Variants in B3GLCT observed in about 807,000 individuals in gnomAD.
B3GLCT encodes beta-1,3-glucosyltransferase.
Under a neutral mutation model 63.4 loss-of-function variants are expected in B3GLCT, and 65 were observed. That is an observed-to-expected ratio of 1.03 (90% CI 0.84 to 1.26). The LOEUF is 1.26. Among genes scored for constraint, B3GLCT ranks in the 50% most tolerant of loss-of-function variants. The pLI, the probability that B3GLCT is intolerant of heterozygous loss-of-function variation, is 0.00. For missense variants in B3GLCT, 577 were observed against 604.8 expected, an observed-to-expected ratio of 0.95 and a Z score of 0.48; for synonymous variants, 233 against 219.2, an observed-to-expected ratio of 1.06 and a Z score of -0.55.
chr13:31,285,031 T>C (rs1294483993), intron 11 of B3GLCT, among the ~76,000 whole-genome samples: 2 of 152,158 alleles, frequency 1.3e-5, no homozygotes, highest in Non-Finnish European at 2.9e-5. Context: ...CCTTCATAAT[T>C]CTTTGCGACC....
At chr13:31,238,878 T>C (rs1870788979) in intron 4 of B3GLCT, among the ~76,000 whole-genome samples, 1 of 152,226 alleles carries the variant, frequency 6.6e-6, no homozygotes, top group African/African-American at 2.4e-5. Flanking sequence ...CATGGGGGCC[T>C]TGAGAATGAC....
intron 3 of B3GLCT, among the ~76,000 whole-genome samples, chr13:31,226,259 G>A (rs1223962061): frequency 6.6e-6 from 1 of 152,212 alleles, no homozygotes; most frequent in Non-Finnish European, 1.5e-5. Flanking sequence ...CTCCAGGGCT[G>A]CGACTGGGCT....
At chr13:31,323,616 G>C in intron 13 of B3GLCT, 135 bp from the exon 14 acceptor site, 2 of 985,792 alleles carry the variant, frequency 2.0e-6, no homozygotes, top group Non-Finnish European at 3.2e-6. Flanking sequence ...GTTTTACCTA[G>C]AGCTCAGTAA....
At chr13:31,318,624 A>T (rs1469268546) in intron 13 of B3GLCT, among the ~76,000 whole-genome samples, 1 of 152,078 alleles carries the variant, frequency 6.6e-6, no homozygotes, top group Non-Finnish European at 1.5e-5. Flanking sequence ...CAGGAGGGGG[A>T]GTCCAGGGAG....
intron 1 of B3GLCT, among the ~76,000 whole-genome samples, chr13:31,212,839 CTG>C (rs1049060850): frequency 6.6e-6 from 1 of 152,220 alleles, no homozygotes; most frequent in African/African-American, 2.4e-5. Flanking sequence ...TGCAACCTCT[CTG>C]TATGATATTC....
At chr13:31,209,618 G>A (rs1186633204) in intron 1 of B3GLCT, among the ~76,000 whole-genome samples, 1 of 152,148 alleles carries the variant, frequency 6.6e-6, no homozygotes, top group Non-Finnish European at 1.5e-5. Context: ...ACAGGTACCG[G>A]GTTTTATGCT....
At chr13:31,218,230 C>T (rs1419888716) in intron 2 of B3GLCT, among the ~76,000 whole-genome samples, 1 of 147,852 alleles carries the variant, frequency 6.8e-6, no homozygotes, top group Non-Finnish European at 1.5e-5. Flanking sequence ...ACTCTTATCA[C>T]CCAGGCTAGC....
At chr13:31,294,447 C>T (rs903568618) in intron 12 of B3GLCT, among the ~76,000 whole-genome samples, 4 of 152,206 alleles carry the variant, frequency 2.6e-5, no homozygotes, top group Admixed American at 1.3e-4. Flanking sequence ...TCAGGTACAG[C>T]AATCAAACGT....
intron 10 of B3GLCT, among the ~76,000 whole-genome samples, chr13:31,281,805 T>A (rs995569728): frequency 6.6e-5 from 10 of 152,184 alleles, no homozygotes; most frequent in African/African-American, 2.4e-4. Context: ...CTATTCACAT[T>A]TGATGGTGTG....
rs549072983 is a variant in B3GLCT, at chr13:31,331,771, C to T, written c.*2103C>T. ...CAGAGATGTTATTTTAGAATCGATT[C>T]CCATCTAAAGAACTCAATTTTGAGT... On this transcript the variant is annotated 3_prime_UTR_variant, in exon 15 of 15. Transcript: ENST00000343307. 8.0e-4 allele frequency: 122 copies of T among 152,282 alleles called. No individual in the cohort carries two copies. Among genetic ancestry groups the T allele is most frequent in the African/African-American group, 2.6e-3 (107 of 41,556 alleles). 9.4% of individuals were successfully genotyped at this position (152,282 alleles called of 1,614,324 possible).
chr13:31,261,108 G>A, intron 7 of B3GLCT, 26 bp downstream of exon 7: 12 of 1,594,584 alleles, frequency 7.5e-6, no homozygotes, highest in Non-Finnish European at 1.0e-5. Context: ...AATTTTTTCG[G>A]GGGGCGGGAG....
chr13:31,225,282 C>A (rs1057203903), intron 3 of B3GLCT, among the ~76,000 whole-genome samples: 1 of 152,144 alleles, frequency 6.6e-6, no homozygotes, highest in Admixed American at 6.5e-5. Flanking sequence ...ATAAGGAAAT[C>A]ATGGAATTGT....
intron 3 of B3GLCT, among the ~76,000 whole-genome samples, chr13:31,226,166 C>T (rs1321039866): frequency 6.6e-6 from 1 of 152,176 alleles, no homozygotes; most frequent in Non-Finnish European, 1.5e-5. Flanking sequence ...TGTCTGGGCT[C>T]CAGTGCCCTG....
intron 6 of B3GLCT, among the ~76,000 whole-genome samples, chr13:31,250,722 A>T (rs967270125): frequency 2.0e-5 from 3 of 152,160 alleles, no homozygotes; most frequent in African/African-American, 7.2e-5. Flanking sequence ...TCAGAGACTT[A>T]TAGATAAAAC....
chr13:31,269,094 A>T lies in B3GLCT; in HGVS notation c.597-120A>T, dbSNP rs973956183. The T allele has an allele frequency of 6.8e-6, 5 of 734,196 alleles. No individual in the cohort carries two copies. In the East Asian group the frequency reaches 8.2e-5, roughly 12 times the overall value. 45.5% of individuals were successfully genotyped at this position (734,196 alleles called of 1,614,324 possible). ...TTTCCCTCAAGGAATTTAAACTGTT[A>T]TTTTTATCTTTAAATCTGTATGTTT... On this transcript the variant is annotated intron_variant, in intron 7 of 14. Coordinates refer to ENST00000343307, the MANE Select transcript of B3GLCT (RefSeq NM_194318.4).
At chr13:31,236,271 A>G (rs545990680) in intron 4 of B3GLCT, among the ~76,000 whole-genome samples, 1 of 152,154 alleles carries the variant, frequency 6.6e-6, no homozygotes, top group Non-Finnish European at 1.5e-5. Context: ...CATTTCTTTA[A>G]AGTATTTGAC....
intron 1 of B3GLCT, among the ~76,000 whole-genome samples, chr13:31,211,528 G>GA (rs1004462540): frequency 6.6e-6 from 1 of 151,148 alleles, no homozygotes; most frequent in African/African-American, 2.4e-5. Context: ...TCTATCATGG[G>GA]AAAAAGGTAT....
intron 3 of B3GLCT, among the ~76,000 whole-genome samples, chr13:31,223,827 G>T (rs540749845): frequency 3.3e-5 from 5 of 152,158 alleles, no homozygotes; most frequent in African/African-American, 4.8e-5. Flanking sequence ...GTGTCAGGGG[G>T]TATGCGGTCC....
chr13:31,245,654 T>A (rs1039014332), intron 4 of B3GLCT, among the ~76,000 whole-genome samples: 8 of 152,216 alleles, frequency 5.3e-5, no homozygotes, highest in African/African-American at 1.9e-4. Context: ...TTGCTATATT[T>A]CTTTTCTTGT....
Sources: allele counts gnomAD v4.1 joint callset (sites outside exome capture counted in the v4.1 genomes callset), GRCh38; gene constraint gnomAD v4.1.1; transcripts MANE v1.5; gene names NCBI Gene and HGNC (gene_info 2026-07-23, HGNC 2026-07-21).